PDGFD: variants seen among roughly 807,000 people sequenced by gnomAD.
PDGFD encodes the protein platelet derived growth factor D.
A neutral mutation model predicts 44.7 loss-of-function variants in PDGFD; 30 were observed. That is an observed-to-expected ratio of 0.67 (90% confidence interval 0.50 to 0.91). The LOEUF is 0.91. PDGFD is among the 40% of genes least tolerant of loss of function. The pLI is 0.00. For synonymous variants in PDGFD, 173 were observed against 168.4 expected (o/e 1.03, Z -0.21); for missense variants, 445 against 457.8 (o/e 0.97, Z 0.25).
chr11:104,036,660 C>T (rs1860238184), intron 1 of PDGFD: 1 of 634,254 alleles, frequency 1.6e-6, no homozygotes, highest in African/African-American at 1.8e-5. Flanking sequence ...GGAGACAGCC[C>T]CCAGACAGAT....
At chr11:104,027,671 G>T (rs1199853060) in intron 1 of PDGFD, among the ~76,000 whole-genome samples, 5 of 152,208 alleles carry the variant, frequency 3.3e-5, no homozygotes, top group Non-Finnish European at 7.3e-5. Context: ...ATCTTATCCA[G>T]TTCTTGTGTG....
chr11:104,069,601 C>T (rs1860843500), intron 1 of PDGFD, among the ~76,000 whole-genome samples: 1 of 152,206 alleles, frequency 6.6e-6, no homozygotes, highest in South Asian at 2.1e-4. Flanking sequence ...TGGTTCATGC[C>T]TGTAATCCCA....
intron 1 of PDGFD, among the ~76,000 whole-genome samples, chr11:104,098,224 GT>G (rs949630703): frequency 6.6e-6 from 1 of 152,106 alleles, no homozygotes; most frequent in Non-Finnish European, 1.5e-5. Flanking sequence ...CATTTATTTG[GT>G]GAGAGAAAAG....
At chr11:104,009,902 T>C (rs1859757723) in intron 1 of PDGFD, among the ~76,000 whole-genome samples, 1 of 152,122 alleles carries the variant, frequency 6.6e-6, no homozygotes, top group African/African-American at 2.4e-5. Flanking sequence ...GAAGTCCTCC[T>C]GGGACTATTA....
intron 1 of PDGFD, among the ~76,000 whole-genome samples, chr11:104,135,870 G>A (rs1020214762): frequency 2.0e-5 from 3 of 152,194 alleles, no homozygotes; most frequent in African/African-American, 7.2e-5. Context: ...CATGAGAGAG[G>A]TCTAGGAATG....
chr11:103,913,315 T>G (rs539329312), intron 6 of PDGFD, among the ~76,000 whole-genome samples: 1 of 152,268 alleles, frequency 6.6e-6, no homozygotes, highest in Admixed American at 6.5e-5. Flanking sequence ...CAGACTACAG[T>G]GCAATCTATT....
chr11:103,945,808 C>T (rs1001561209), intron 4 of PDGFD: 3 of 152,182 alleles, frequency 2.0e-5, no homozygotes, highest in African/African-American at 7.2e-5. Context: ...AATTTAATCT[C>T]TTCTAACATG....
chr11:104,095,680 C>T (rs894595248), intron 1 of PDGFD, among the ~76,000 whole-genome samples: 2 of 152,134 alleles, frequency 1.3e-5, no homozygotes, highest in Non-Finnish European at 1.5e-5. Flanking sequence ...TACCATTTTC[C>T]TTTAAGATTT....
chr11:104,078,879 T>C (rs1861005337), intron 1 of PDGFD, among the ~76,000 whole-genome samples: 1 of 47,750 alleles, frequency 2.1e-5, no homozygotes. Context: ...ATACTTTATA[T>C]ATGTATCCTA....
chr11:104,013,429 C>T (rs1210689289), intron 1 of PDGFD, among the ~76,000 whole-genome samples: 1 of 152,150 alleles, frequency 6.6e-6, no homozygotes, highest in Non-Finnish European at 1.5e-5. Flanking sequence ...TAACACACCC[C>T]TAGATGCTAC....
intron 1 of PDGFD, among the ~76,000 whole-genome samples, chr11:104,020,320 A>G (rs1859930580): frequency 6.6e-6 from 1 of 152,088 alleles, no homozygotes; most frequent in South Asian, 2.1e-4. Flanking sequence ...TGGACGTAAT[A>G]CTGAAAATAT....
intron 1 of PDGFD, chr11:104,037,700 T>G (rs1860275193): frequency 6.2e-7 from 1 of 1,613,786 alleles, no homozygotes; most frequent in African/African-American, 1.3e-5. Flanking sequence ...GCTAAAGGAG[T>G]GGGCACACAG....
chr11:104,111,262 C>CTTTT (rs373944945), intron 1 of PDGFD, among the ~76,000 whole-genome samples: 26 of 119,622 alleles, frequency 2.2e-4, no homozygotes, highest in East Asian at 1.8e-3. Context: ...ATTATTAATT[C>CTTTT]TTTTTTTTTT....
chr11:104,040,863 T>C (rs1323760400), intron 1 of PDGFD, among the ~76,000 whole-genome samples: 1 of 152,052 alleles, frequency 6.6e-6, no homozygotes, highest in Non-Finnish European at 1.5e-5. Flanking sequence ...TAATAGGATA[T>C]GTTTTATCAT....
At chr11:103,952,360 A>T (rs746516524) in intron 3 of PDGFD, among the ~76,000 whole-genome samples, 2 of 152,250 alleles carry the variant, frequency 1.3e-5, no homozygotes, top group African/African-American at 4.8e-5. Flanking sequence ...TTATTCTAAG[A>T]GGAGATAACT....
chr11:103,994,039 G>T (rs193156671), intron 3 of PDGFD, among the ~76,000 whole-genome samples: 1 of 152,210 alleles, frequency 6.6e-6, no homozygotes, highest in Non-Finnish European at 1.5e-5. Context: ...ACTTAAAATT[G>T]ACCAAGAAAT....
At chr11:103,911,966 ATT>A (rs1858035451) in intron 6 of PDGFD, among the ~76,000 whole-genome samples, 1 of 117,148 alleles carries the variant, frequency 8.5e-6, no homozygotes, top group South Asian at 2.9e-4. Flanking sequence ...GCCTCCAAGA[ATT>A]ATGGGACTAT....
chr11:104,142,995 T>C (rs1037090760), intron 1 of PDGFD, among the ~76,000 whole-genome samples: 1 of 152,222 alleles, frequency 6.6e-6, no homozygotes, highest in African/African-American at 2.4e-5. Context: ...ATGTACTCTA[T>C]GGTACTGCTC....
chr11:104,103,003 C>T (rs912157466), intron 1 of PDGFD, among the ~76,000 whole-genome samples: 11 of 152,058 alleles, frequency 7.2e-5, no homozygotes, highest in Non-Finnish European at 1.5e-4. Flanking sequence ...GGGGGCAGCA[C>T]ACCAACAAGG....
Sources: gnomAD v4.1 joint callset for allele counts (sites outside exome capture counted in the v4.1 genomes callset) on GRCh38, gnomAD v4.1.1 for gene constraint, MANE v1.5 for transcripts, NCBI Gene and HGNC (gene_info 2026-07-23, HGNC 2026-07-21) for gene names.